The following NCKAP5 variants were observed in gnomAD, a reference collection of about 807,000 sequenced individuals.
NCKAP5 encodes the protein nck-associated protein 5.
Under a neutral mutation model 167.0 loss-of-function variants are expected in NCKAP5, and 92 were observed. That is an observed-to-expected ratio of 0.55 (90% CI 0.47 to 0.66). The LOEUF is 0.66. NCKAP5 is among the 30% of genes least tolerant of loss of function. NCKAP5 has a pLI of 0.00. For missense variants in NCKAP5, 2,378 were observed against 2,315.0 expected (o/e 1.03, Z -0.56); for synonymous variants, 891 against 877.4 (o/e 1.02, Z -0.27).
intron 3 of NCKAP5, among the ~76,000 whole-genome samples, chr2:133,339,342 T>A (rs1472864893): frequency 6.6e-6 from 1 of 151,912 alleles, no homozygotes; most frequent in Admixed American, 6.6e-5. Flanking sequence ...AAAAAAAAAA[T>A]TCTATGAAAC....
intron 3 of NCKAP5, among the ~76,000 whole-genome samples, chr2:133,402,976 A>AT (rs1688195331): frequency 1.3e-5 from 2 of 152,192 alleles, no homozygotes; most frequent in Admixed American, 6.5e-5. Context: ...GAACAGAAAC[A>AT]TTTTTTTAAA....
chr2:133,353,917 G>T (rs2150829511), intron 3 of NCKAP5, among the ~76,000 whole-genome samples: 1 of 152,306 alleles, frequency 6.6e-6, no homozygotes, highest in Admixed American at 6.5e-5. Flanking sequence ...CTTCCAGGAT[G>T]CTGGACAAGA....
intron 3 of NCKAP5, among the ~76,000 whole-genome samples, chr2:133,375,271 C>A (rs1056514201): frequency 9.9e-5 from 15 of 152,124 alleles, no homozygotes; most frequent in African/African-American, 3.6e-4. Context: ...AAATTACATT[C>A]TTTTGGTATT....
intron 5 of NCKAP5, among the ~76,000 whole-genome samples, chr2:133,200,970 T>G (rs2085660087): frequency 1.3e-5 from 2 of 152,230 alleles, no homozygotes; most frequent in Admixed American, 1.3e-4. Context: ...TATACTATTT[T>G]TTTCTTATAA....
chr2:132,703,588 G>A (rs981164253), intron 19 of NCKAP5, among the ~76,000 whole-genome samples: 2 of 152,238 alleles, frequency 1.3e-5, no homozygotes, highest in Admixed American at 6.5e-5. Flanking sequence ...GGTCCATTGC[G>A]ATGGCTGACG....
intron 19 of NCKAP5, among the ~76,000 whole-genome samples, chr2:132,724,691 G>A (rs530046479): frequency 1.3e-5 from 2 of 152,020 alleles, no homozygotes; most frequent in Admixed American, 6.5e-5. Flanking sequence ...TTTTCTTCTT[G>A]GTAAACCTTC....
At chr2:133,405,548 C>T (rs1688370769) in intron 3 of NCKAP5, among the ~76,000 whole-genome samples, 1 of 152,178 alleles carries the variant, frequency 6.6e-6, no homozygotes, top group African/African-American at 2.4e-5. Flanking sequence ...CAACTGGGGA[C>T]ATGTGCATGG....
At chr2:133,168,198 C>G (rs562947951) in intron 5 of NCKAP5, among the ~76,000 whole-genome samples, 27 of 152,040 alleles carry the variant, frequency 1.8e-4, no homozygotes, top group Non-Finnish European at 3.2e-4. Flanking sequence ...TGAGCCCACG[C>G]ACTTAATCAC....
intron 8 of NCKAP5, among the ~76,000 whole-genome samples, chr2:132,890,866 T>C (rs139524231): frequency 5.3e-5 from 8 of 152,224 alleles, no homozygotes; most frequent in African/African-American, 1.7e-4. Context: ...AATGTTATCA[T>C]CCTAGAAAAT....
intron 1 of NCKAP5, among the ~76,000 whole-genome samples, chr2:133,564,066 G>A (rs148034845): frequency 0.035 from 5,394 of 152,082 alleles, 135 homozygotes; most frequent in Non-Finnish European, 0.051. Context: ...CCTGAGAGGC[G>A]GAGGTTGCAG....
chr2:132,707,749 A>T (rs1466271383), intron 19 of NCKAP5, among the ~76,000 whole-genome samples: 1 of 152,136 alleles, frequency 6.6e-6, no homozygotes, highest in African/African-American at 2.4e-5. Context: ...AGCCCAGAAG[A>T]TCCTAGAATA....
chr2:133,577,852 T>C, the NCKAP5 span, among the ~76,000 whole-genome samples: 26,558 of 152,144 alleles, frequency 0.17, 2,508 homozygotes, highest in East Asian at 0.32. Context: ...GAAAAACAAC[T>C]GCTCTTGGTT....
At chr2:133,127,609 T>C (rs2082445130) in intron 6 of NCKAP5, among the ~76,000 whole-genome samples, 1 of 152,192 alleles carries the variant, frequency 6.6e-6, no homozygotes. Flanking sequence ...ATGAATATAA[T>C]TTACTATGCC....
At chr2:133,491,111 A>G (rs1427958208) in intron 3 of NCKAP5, among the ~76,000 whole-genome samples, 1 of 152,232 alleles carries the variant, frequency 6.6e-6, no homozygotes, top group African/African-American at 2.4e-5. Context: ...TACTCCTATC[A>G]TTCAATAGTC....
At chr2:132,813,661 A>G (rs1000258449) in intron 11 of NCKAP5, among the ~76,000 whole-genome samples, 1 of 152,192 alleles carries the variant, frequency 6.6e-6, no homozygotes, top group African/African-American at 2.4e-5. Flanking sequence ...GCAAGAAACC[A>G]TACGTGGGCC....
At chr2:133,059,394 T>C (rs988222012) in intron 6 of NCKAP5, among the ~76,000 whole-genome samples, 9 of 151,320 alleles carry the variant, frequency 5.9e-5, no homozygotes, top group African/African-American at 2.2e-4. Context: ...GTATGTATGG[T>C]GGGCCATTAC....
At chr2:132,696,900 G>A (rs1687370143) in intron 19 of NCKAP5, among the ~76,000 whole-genome samples, 1 of 151,970 alleles carries the variant, frequency 6.6e-6, no homozygotes, top group African/African-American at 2.4e-5. Flanking sequence ...TTTTATTTGG[G>A]TTGGGGGAAC....
intron 19 of NCKAP5, among the ~76,000 whole-genome samples, chr2:132,714,598 A>T (rs560015274): frequency 6.6e-6 from 1 of 151,938 alleles, no homozygotes; most frequent in Non-Finnish European, 1.5e-5. Flanking sequence ...CTGGCGGATC[A>T]CCTGAGGTTG....
the NCKAP5 span, among the ~76,000 whole-genome samples, chr2:133,611,072 G>C: frequency 6.6e-6 from 1 of 152,064 alleles, no homozygotes; most frequent in Non-Finnish European, 1.5e-5. Context: ...CTCCTACCCA[G>C]AGAAGTGACC....
Sources: gnomAD v4.1 joint callset for allele counts (sites outside exome capture counted in the v4.1 genomes callset) on GRCh38, gnomAD v4.1.1 for gene constraint, MANE v1.5 for transcripts, NCBI Gene and HGNC (gene_info 2026-07-23, HGNC 2026-07-21) for gene names.